Variants in LRGUK observed in about 807,000 individuals in gnomAD.
LRGUK encodes leucine-rich repeat and guanylate kinase domain-containing protein.
In LRGUK, 65 loss-of-function variants were observed where a neutral mutation model predicts 76.0. That is an observed-to-expected ratio of 0.85 (90% CI 0.70 to 1.05). The LOEUF (loss-of-function observed/expected upper bound fraction) is 1.05. Among genes scored for constraint, LRGUK ranks in the 50% least tolerant of loss-of-function variants. LRGUK has a pLI of 0.00. For synonymous variants in LRGUK, 268 were observed against 265.6 expected (o/e 1.01, Z -0.09); for missense variants, 758 against 732.8 (o/e 1.03, Z -0.40).
intron 1 of LRGUK, among the ~76,000 whole-genome samples, chr7:134,131,901 G>C (rs751340739): frequency 1.9e-4 from 29 of 152,178 alleles, no homozygotes; most frequent in South Asian, 4.1e-4. Context: ...GAAGGGATGG[G>C]AGGGAAAAGG....
At chr7:134,169,625 T>C (rs1799162474) in intron 7 of LRGUK, among the ~76,000 whole-genome samples, 1 of 152,148 alleles carries the variant, frequency 6.6e-6, no homozygotes, top group African/African-American at 2.4e-5. Flanking sequence ...TGTTTTTCCA[T>C]ATTTAGTCTT....
intron 3 of LRGUK, among the ~76,000 whole-genome samples, chr7:134,140,920 G>T (rs1017373623): frequency 7.9e-5 from 12 of 152,122 alleles, no homozygotes; most frequent in African/African-American, 2.2e-4. Flanking sequence ...CTTCCCCAGG[G>T]TTATTTTAAA....
intron 14 of LRGUK, among the ~76,000 whole-genome samples, chr7:134,199,986 A>ATATATT (rs2117085467): frequency 1.9e-5 from 1 of 52,948 alleles, no homozygotes; most frequent in African/African-American, 9.2e-5. Flanking sequence ...AAACTTTTAT[A>ATATATT]TATATATATA....
At chr7:134,231,829 TCTTTA>T (rs1408112426) in intron 16 of LRGUK, among the ~76,000 whole-genome samples, 1 of 150,772 alleles carries the variant, frequency 6.6e-6, no homozygotes, top group Non-Finnish European at 1.5e-5. Flanking sequence ...TTCCCTGCCT[TCTTTA>T]CTTTCTCTCT....
chr7:134,155,838 G>A (rs573205816), intron 5 of LRGUK, among the ~76,000 whole-genome samples: 1 of 152,080 alleles, frequency 6.6e-6, no homozygotes, highest in Non-Finnish European at 1.5e-5. Flanking sequence ...AAATAATTAT[G>A]GAGGCAAAAT....
downstream of LRGUK, among the ~76,000 whole-genome samples, chr7:134,214,264 C>A (rs1411589110): frequency 6.6e-6 from 1 of 151,844 alleles, no homozygotes; most frequent in African/African-American, 2.4e-5. Context: ...CAACTTAATG[C>A]CTATTGTTGG....
intron 7 of LRGUK, among the ~76,000 whole-genome samples, chr7:134,174,085 G>T (rs971882454): frequency 4.0e-5 from 6 of 148,510 alleles, no homozygotes; most frequent in Non-Finnish European, 7.4e-5. Flanking sequence ...CTCCAGCCTG[G>T]TGACAGAGCG....
chr7:134,151,979 A>G (rs544044442), intron 5 of LRGUK, among the ~76,000 whole-genome samples: 82 of 152,142 alleles, frequency 5.4e-4, no homozygotes, highest in African/African-American at 1.8e-3. Flanking sequence ...AAAATTGGGA[A>G]TAAGTTAGGA....
chr7:134,159,561 CG>C (rs1461193243), intron 6 of LRGUK, among the ~76,000 whole-genome samples: 1 of 151,982 alleles, frequency 6.6e-6, no homozygotes, highest in Non-Finnish European at 1.5e-5. Context: ...GAGGCTAAGG[CG>C]GGTGGATCAT....
chr7:134,138,140 G>A (rs959317973), intron 2 of LRGUK, among the ~76,000 whole-genome samples: 1 of 152,142 alleles, frequency 6.6e-6, no homozygotes, highest in Non-Finnish European at 1.5e-5. Flanking sequence ...GTTTGACGCT[G>A]GAATATGGTA....
At chr7:134,246,262 G>A (rs573066834) in intron 16 of LRGUK, among the ~76,000 whole-genome samples, 1 of 152,138 alleles carries the variant, frequency 6.6e-6, no homozygotes, top group Admixed American at 6.6e-5. Context: ...GTGGTTTGTT[G>A]AGGTCCTGCT....
chr7:134,170,537 T>G (rs375711762), intron 7 of LRGUK, among the ~76,000 whole-genome samples: 60 of 152,228 alleles, frequency 3.9e-4, no homozygotes, highest in East Asian at 2.9e-3. Context: ...AGAGTAGAAT[T>G]GTCACATTTC....
At chr7:134,184,351 G>C (rs1463823988) in intron 11 of LRGUK, among the ~76,000 whole-genome samples, 1 of 151,036 alleles carries the variant, frequency 6.6e-6, no homozygotes, top group Non-Finnish European at 1.5e-5. Context: ...CTCACTGCAA[G>C]CTCCACCTCT....
intron 5 of LRGUK, among the ~76,000 whole-genome samples, chr7:134,153,245 A>T (rs1360558945): frequency 2.6e-5 from 4 of 152,104 alleles, no homozygotes; most frequent in African/African-American, 7.2e-5. Flanking sequence ...TAATACTGAC[A>T]GTGTAATTGT....
At chr7:134,201,567 A>G in exon 15 of LRGUK, 1 of 1,612,676 alleles carries the variant, frequency 6.2e-7, no homozygotes, top group Non-Finnish European at 8.5e-7. Flanking sequence ...GAGTTTGGCT[A>G]CAACTGCAGG....
At chr7:134,130,433 C>T (rs2116789467) in intron 1 of LRGUK, among the ~76,000 whole-genome samples, 1 of 152,288 alleles carries the variant, frequency 6.6e-6, no homozygotes, top group South Asian at 2.1e-4. Context: ...AAGGGGTTGT[C>T]AAGAACTAGC....
At chr7:134,262,110 A>C (rs1208128309) in intron 19 of LRGUK, among the ~76,000 whole-genome samples, 2 of 152,238 alleles carry the variant, frequency 1.3e-5, no homozygotes, top group African/African-American at 4.8e-5. Context: ...GCATTGGCTC[A>C]TGTCTGTAAT....
rs1798133080 is a variant in LRGUK, at chr7:134,149,865, TG to T, written c.670+1548del. The stretch of plus-strand genomic sequence containing the variant: ...GGAAGACCACAGCAGCAGCATCACC[TG>T]GAACTTCATAGAAATGCAGATTCTT... On this transcript the variant is annotated intron_variant, in intron 5 of 15. Transcript: ENST00000645682. Among the ~76,000 whole-genome samples the T allele has an allele frequency of 3.9e-4, 60 of 152,288 alleles. 2 individuals carry two copies. In the South Asian group the frequency reaches 0.012, roughly 31 times the overall value.
At chr7:134,264,497 T>C (rs1356860891) in exon 20 of LRGUK, 1 of 152,270 alleles carries the variant, frequency 6.6e-6, no homozygotes, top group African/African-American at 2.4e-5. Flanking sequence ...GCCAACATGA[T>C]ATCGACTGCA....
Sources: gnomAD v4.1 joint callset for allele counts (sites outside exome capture counted in the v4.1 genomes callset) on GRCh38, gnomAD v4.1.1 for gene constraint, MANE v1.5 for transcripts, NCBI Gene and HGNC (gene_info 2026-07-23, HGNC 2026-07-21) for gene names.